LSAMP: variants seen among roughly 807,000 people sequenced by gnomAD.
LSAMP encodes limbic system associated membrane protein, also known as limbic system-associated membrane protein.
A neutral mutation model predicts 38.6 loss-of-function variants in LSAMP; 7 were observed. The ratio of observed to expected loss-of-function variants is 0.18; its 90% confidence interval spans 0.10 to 0.34. LSAMP has a LOEUF of 0.34. Ranked by LOEUF, LSAMP falls within the 10% of genes least tolerant of loss-of-function variation. The probability of loss-of-function intolerance (pLI) is 1.00; values close to 1 mark genes in which losing one functional copy is unlikely to be tolerated. For missense variants in LSAMP, 313 were observed against 420.0 expected (o/e 0.75, Z 2.23); for synonymous variants, 154 against 166.8 (o/e 0.92, Z 0.59).
chr3:116,348,038 C>G (rs2048087238), intron 1 of LSAMP, among the ~76,000 whole-genome samples: 1 of 151,852 alleles, frequency 6.6e-6, no homozygotes, highest in African/African-American at 2.4e-5. Context: ...CAGGAAAGGT[C>G]TCGGTGTATA....
chr3:116,432,852 G>C (rs2049299104), intron 1 of LSAMP, among the ~76,000 whole-genome samples: 2 of 151,982 alleles, frequency 1.3e-5, no homozygotes, highest in Non-Finnish European at 2.9e-5. Context: ...GTGATGATCA[G>C]TGCATCATAT....
chr3:115,975,056 C>T (rs1361772134), intron 3 of LSAMP, among the ~76,000 whole-genome samples: 1 of 152,034 alleles, frequency 6.6e-6, no homozygotes, highest in Admixed American at 6.6e-5. Context: ...TGGAGTGTTC[C>T]TGAGCCAATA....
chr3:116,263,677 T>TAGAGTA (rs3028643), intron 1 of LSAMP, among the ~76,000 whole-genome samples: 120,732 of 152,156 alleles, frequency 0.79, 48,240 homozygotes, highest in Non-Finnish European at 0.84. Flanking sequence ...TGCATTTTAT[T>TAGAGTA]AAATTTTATG....
At chr3:116,019,315 T>C (rs1236465001) in intron 3 of LSAMP, among the ~76,000 whole-genome samples, 200 bp downstream of exon 3, 1 of 152,034 alleles carries the variant, frequency 6.6e-6, no homozygotes, top group Non-Finnish European at 1.5e-5. Flanking sequence ...GCAAAGACCA[T>C]GAGGACCCTA....
intron 1 of LSAMP, among the ~76,000 whole-genome samples, chr3:116,195,217 C>A (rs1200308504): frequency 2.0e-5 from 3 of 152,218 alleles, no homozygotes; most frequent in Non-Finnish European, 4.4e-5. Flanking sequence ...ATGCTAGTCA[C>A]TGGGTTACTC....
chr3:116,332,344 A>C (rs570641201), intron 1 of LSAMP, among the ~76,000 whole-genome samples: 2 of 152,274 alleles, frequency 1.3e-5, no homozygotes, highest in African/African-American at 4.8e-5. Context: ...TGACATCAAC[A>C]ACTGAAAGAG....
Position 116,001,704 on chromosome 3 carries a change from C to T in LSAMP, c.514+17811G>A, listed in dbSNP as rs149053381. ...GCCGCCTTCTCCATCTTCACACCAG[C>T]AGTGTAGTATCTTCAAGTCTCTCTC... On this transcript the variant is annotated intron_variant, in intron 3 of 6. Coordinates refer to ENST00000490035, the MANE Select transcript of LSAMP (RefSeq NM_002338.5). 5.9e-3 allele frequency among the ~76,000 whole-genome samples: 904 copies of T among 152,314 alleles called. 6 individuals are homozygous for T. The highest frequency in any genetic ancestry group is 9.5e-3 in the Non-Finnish European group (644 of 68,026).
chr3:116,320,152 C>A (rs113013605), intron 1 of LSAMP, among the ~76,000 whole-genome samples: 5,191 of 152,188 alleles, frequency 0.034, 299 homozygotes, highest in African/African-American at 0.12. Flanking sequence ...TGGTGGCTCA[C>A]GCCTGTAATC....
At chr3:116,203,875 C>T (rs186065238) in intron 1 of LSAMP, among the ~76,000 whole-genome samples, 3 of 152,110 alleles carry the variant, frequency 2.0e-5, no homozygotes, top group Non-Finnish European at 2.9e-5. Flanking sequence ...GTGCATGTGT[C>T]TTTATAGCAG....
intron 1 of LSAMP, among the ~76,000 whole-genome samples, chr3:116,226,622 A>G (rs1308202473): frequency 6.6e-6 from 1 of 152,260 alleles, no homozygotes; most frequent in Admixed American, 6.5e-5. Context: ...TTTAAGGCCC[A>G]CATTCTTGCA....
intron 3 of LSAMP, among the ~76,000 whole-genome samples, chr3:115,858,170 A>T: frequency 6.7e-6 from 1 of 149,032 alleles, no homozygotes; most frequent in African/African-American, 2.5e-5. Context: ...TCTCTCACAC[A>T]CACACACCCC....
At chr3:116,010,277 T>C (rs1940287779) in intron 3 of LSAMP, among the ~76,000 whole-genome samples, 1 of 152,224 alleles carries the variant, frequency 6.6e-6, no homozygotes, top group Non-Finnish European at 1.5e-5. Context: ...GTACATTATA[T>C]AGTACTGTAA....
chr3:115,935,577 A>T (rs932873626), intron 3 of LSAMP, among the ~76,000 whole-genome samples: 44 of 152,274 alleles, frequency 2.9e-4, no homozygotes, highest in African/African-American at 1.1e-3. Context: ...CTGGGAAATG[A>T]TTTAAAAGTC....
Position 116,366,376 on chromosome 3 carries a change from C to A in LSAMP, c.155+78501G>T, listed in dbSNP as rs868812503. 3.9e-5 allele frequency among the ~76,000 whole-genome samples: 6 copies of A among 152,174 alleles called. No homozygotes were observed. In the Middle Eastern group the frequency reaches 0.01, roughly 259 times the overall value. On this transcript the variant is annotated intron_variant, in intron 1 of 6. Transcript: ENST00000490035. ...AAAGCACCTCTTTTTTAAGACTAAT[C>A]AACTTTTCATGAAAATGAAGGCCAA...
chr3:115,806,325 A>T lies in LSAMP; in HGVS notation c.*3992T>A, dbSNP rs191142795. 1.3e-5 allele frequency: 2 copies of T among 152,322 alleles called. No homozygotes were observed. The highest frequency in any genetic ancestry group is 3.9e-4 in the East Asian group (2 of 5,186). The allele number at this position is 152,322 out of a possible 1,614,324, so 9.4% of individuals were successfully genotyped here. ...AATATAGCATCTATAAAGATAAAAA[A>T]TACACACACATATATATTATTGTTT... is the stretch of plus-strand genomic sequence containing the variant. On this transcript the variant is annotated 3_prime_UTR_variant, in exon 7 of 7. Coordinates refer to ENST00000490035, the MANE Select transcript of LSAMP (RefSeq NM_002338.5).
chr3:116,275,316 G>C (rs544595757), intron 1 of LSAMP, among the ~76,000 whole-genome samples: 1 of 152,074 alleles, frequency 6.6e-6, no homozygotes, highest in Non-Finnish European at 1.5e-5. Flanking sequence ...GCCTCCCAAA[G>C]TACTGGGATT....
intron 1 of LSAMP, among the ~76,000 whole-genome samples, chr3:116,125,322 C>T (rs890291235): frequency 6.6e-6 from 1 of 151,748 alleles, no homozygotes; most frequent in Non-Finnish European, 1.5e-5. Flanking sequence ...TCTTTCTCTA[C>T]TTCTTTCCCT....
At chr3:115,928,316 T>C (rs1299703944) in intron 3 of LSAMP, among the ~76,000 whole-genome samples, 2 of 152,204 alleles carry the variant, frequency 1.3e-5, no homozygotes, top group Admixed American at 6.5e-5. Flanking sequence ...GGCTCTTATT[T>C]AAAACCACTG....
chr3:115,973,128 G>T (rs1939071792), intron 3 of LSAMP, among the ~76,000 whole-genome samples: 1 of 152,096 alleles, frequency 6.6e-6, no homozygotes, highest in Non-Finnish European at 1.5e-5. Context: ...GGTGTTAAAT[G>T]TTATTTTAAG....
Sources: allele counts gnomAD v4.1 joint callset (sites outside exome capture counted in the v4.1 genomes callset), GRCh38; gene constraint gnomAD v4.1.1; transcripts MANE v1.5; gene names NCBI Gene and HGNC (gene_info 2026-07-23, HGNC 2026-07-21).